Variants in B3GALT1 observed in about 807,000 individuals in gnomAD.
B3GALT1 encodes the protein UDP-Gal:betaGlcNAc beta 1,3-galactosyltransferase, polypeptide 1.
A neutral mutation model predicts 23.2 loss-of-function variants in B3GALT1; 10 were observed. That is an observed-to-expected ratio of 0.43 (90% confidence interval 0.27 to 0.73). The LOEUF (loss-of-function observed/expected upper bound fraction) is 0.73. B3GALT1 is among the 30% of genes least tolerant of loss of function. The probability of loss-of-function intolerance (pLI) is 0.21; values close to 1 mark genes in which losing one functional copy is unlikely to be tolerated. For synonymous variants in B3GALT1, 156 were observed against 141.5 expected (o/e 1.10, Z -0.73); for missense variants, 299 against 405.4 (o/e 0.74, Z 2.25).
chr2:167,770,116 T>G (rs1382668395), intron 3 of B3GALT1, among the ~76,000 whole-genome samples: 1 of 152,196 alleles, frequency 6.6e-6, no homozygotes, highest in East Asian at 1.9e-4. Context: ...TGTTTTGTTT[T>G]GTTTTTTTGA....
At chr2:167,340,542 A>T (rs1316663308) in intron 1 of B3GALT1, among the ~76,000 whole-genome samples, 1 of 152,140 alleles carries the variant, frequency 6.6e-6, no homozygotes, top group Non-Finnish European at 1.5e-5. Context: ...ATTTACAACG[A>T]TTTCCAAGGA....
intron 1 of B3GALT1, among the ~76,000 whole-genome samples, chr2:167,367,298 T>G (rs1482612198): frequency 6.6e-6 from 1 of 152,220 alleles, no homozygotes; most frequent in Non-Finnish European, 1.5e-5. Context: ...TAACTATTTT[T>G]TCCCCTTAAG....
At chr2:167,727,520 A>C (rs2105262142) in intron 3 of B3GALT1, among the ~76,000 whole-genome samples, 1 of 152,150 alleles carries the variant, frequency 6.6e-6, no homozygotes, top group East Asian at 1.9e-4. Context: ...CACGTGCAAA[A>C]CCCATTCACC....
At chr2:167,862,386 G>C (rs1166318449) in intron 4 of B3GALT1, among the ~76,000 whole-genome samples, 1 of 152,234 alleles carries the variant, frequency 6.6e-6, no homozygotes, top group Non-Finnish European at 1.5e-5. Flanking sequence ...GCATGTCACA[G>C]CTTAAGCAGA....
chr2:167,527,589 A>G (rs1169721382), intron 2 of B3GALT1, among the ~76,000 whole-genome samples: 3 of 152,310 alleles, frequency 2.0e-5, no homozygotes, highest in East Asian at 1.9e-4. Context: ...TCACAAAACC[A>G]TAAATAATAA....
At chr2:167,559,130 G>T (rs1200331797) in intron 2 of B3GALT1, among the ~76,000 whole-genome samples, 1 of 152,176 alleles carries the variant, frequency 6.6e-6, no homozygotes, top group Non-Finnish European at 1.5e-5. Flanking sequence ...GGAACGATCA[G>T]ACAGCAGGAT....
At chr2:167,701,682 A>G (rs1404933170) in intron 3 of B3GALT1, among the ~76,000 whole-genome samples, 3 of 152,222 alleles carry the variant, frequency 2.0e-5, no homozygotes, top group African/African-American at 7.2e-5. Context: ...TTAATTAGTT[A>G]TAATATAAAT....
At chr2:167,527,499 A>G (rs572389644) in intron 2 of B3GALT1, among the ~76,000 whole-genome samples, 41 of 152,302 alleles carry the variant, frequency 2.7e-4, no homozygotes, top group Admixed American at 1.3e-3. Flanking sequence ...TTTCTAGACC[A>G]GAACTGAAAA....
intron 2 of B3GALT1, among the ~76,000 whole-genome samples, chr2:167,568,183 T>C (rs572414846): frequency 6.6e-6 from 1 of 152,152 alleles, no homozygotes. Flanking sequence ...GTAAAACTGC[T>C]ATAAGGTCTT....
chr2:167,463,387 T>TA (rs1446846943), intron 1 of B3GALT1, among the ~76,000 whole-genome samples: 3 of 152,274 alleles, frequency 2.0e-5, no homozygotes, highest in Admixed American at 6.5e-5. Context: ...ATATTACTAA[T>TA]ACACTAATAG....
At chr2:167,820,357 T>G (rs1378538985) in intron 4 of B3GALT1, among the ~76,000 whole-genome samples, 1 of 152,218 alleles carries the variant, frequency 6.6e-6, no homozygotes, top group African/African-American at 2.4e-5. Context: ...GAGCTCTCCC[T>G]GCTTCCCTTC....
intron 1 of B3GALT1, among the ~76,000 whole-genome samples, chr2:167,479,604 T>A (rs1456000663): frequency 1.3e-5 from 2 of 152,140 alleles, no homozygotes; most frequent in Non-Finnish European, 2.9e-5. Context: ...GTCTTCCTTT[T>A]ATTGGTAGCA....
chr2:167,598,412 A>T (rs1320344048), intron 2 of B3GALT1, among the ~76,000 whole-genome samples: 1 of 152,192 alleles, frequency 6.6e-6, no homozygotes, highest in Non-Finnish European at 1.5e-5. Flanking sequence ...TCAGGGAGAC[A>T]GCCAATGTGA....
chr2:167,459,863 A>G (rs1429270391), intron 1 of B3GALT1, among the ~76,000 whole-genome samples: 1 of 152,140 alleles, frequency 6.6e-6, no homozygotes, highest in East Asian at 1.9e-4. Context: ...TTGCTGATAT[A>G]GGATTCTTGG....
At chr2:167,507,225 G>T (rs1217613085) in intron 2 of B3GALT1, among the ~76,000 whole-genome samples, 1 of 152,034 alleles carries the variant, frequency 6.6e-6, no homozygotes, top group Non-Finnish European at 1.5e-5. Flanking sequence ...TAGAATAAGA[G>T]GGCGGGTGCA....
At chr2:167,801,777 A>C (rs1184963298) in intron 3 of B3GALT1, among the ~76,000 whole-genome samples, 1 of 152,240 alleles carries the variant, frequency 6.6e-6, no homozygotes, top group Non-Finnish European at 1.5e-5. Flanking sequence ...GTAATTCAGC[A>C]TGACAACATT....
intron 1 of B3GALT1, among the ~76,000 whole-genome samples, chr2:167,399,622 T>C (rs915527977): frequency 1.3e-5 from 2 of 152,058 alleles, no homozygotes; most frequent in Non-Finnish European, 1.5e-5. Context: ...GCATATTCCT[T>C]TACCTATTCT....
chr2:167,512,544 A>G (rs968290328), intron 2 of B3GALT1, among the ~76,000 whole-genome samples: 7 of 73,344 alleles, frequency 9.5e-5, no homozygotes, highest in South Asian at 5.4e-4. Context: ...GTATATATAT[A>G]TGTATATATA....
chr2:167,630,474 G>T (rs1326463485), intron 2 of B3GALT1, among the ~76,000 whole-genome samples: 2 of 151,714 alleles, frequency 1.3e-5, no homozygotes, highest in Non-Finnish European at 2.9e-5. Flanking sequence ...GGTAGTCACT[G>T]GGTATTATTA....
Sources: gnomAD v4.1 joint callset for allele counts (sites outside exome capture counted in the v4.1 genomes callset) on GRCh38, gnomAD v4.1.1 for gene constraint, MANE v1.5 for transcripts, NCBI Gene and HGNC (gene_info 2026-07-23, HGNC 2026-07-21) for gene names.